The following HERPUD2 variants were observed in gnomAD, a reference collection of about 807,000 sequenced individuals.
HERPUD2 encodes the protein homocysteine-responsive endoplasmic reticulum-resident ubiquitin-like domain member 2 protein.
Under a neutral mutation model 49.9 loss-of-function variants are expected in HERPUD2, and 13 were observed. That is an observed-to-expected ratio of 0.26 (90% CI 0.17 to 0.41). HERPUD2 has a LOEUF of 0.41. HERPUD2 is among the 10% of genes least tolerant of loss of function. The pLI is 1.00. For missense variants in HERPUD2, 449 were observed against 492.2 expected (o/e 0.91, Z 0.83); for synonymous variants, 172 against 171.4 (o/e 1.00, Z -0.03).
At chr7:35,649,958 G>C (rs935258684) in intron 5 of HERPUD2, among the ~76,000 whole-genome samples, 10 of 151,908 alleles carry the variant, frequency 6.6e-5, no homozygotes, top group African/African-American at 2.4e-4. Flanking sequence ...TGGAGTTTCC[G>C]GGCTAAGAGG....
intron 8 of HERPUD2, among the ~76,000 whole-genome samples, 182 bp from the exon 9 acceptor site, chr7:35,634,033 T>G (rs1444556054): frequency 6.6e-6 from 1 of 152,200 alleles, no homozygotes; most frequent in Admixed American, 6.5e-5. Flanking sequence ...CAACTGCCAA[T>G]GCAATACAAT....
intron 4 of HERPUD2, 123 bp from the exon 5 acceptor site, chr7:35,667,711 G>A (rs1412912473): frequency 5.7e-6 from 4 of 704,048 alleles, no homozygotes; most frequent in Non-Finnish European, 9.3e-6. Context: ...GAAATTTACT[G>A]TTTTACATCG....
intron 5 of HERPUD2, among the ~76,000 whole-genome samples, chr7:35,653,192 C>A (rs1300556568): frequency 1.3e-5 from 2 of 152,138 alleles, no homozygotes; most frequent in Non-Finnish European, 2.9e-5. Flanking sequence ...AGAAATTCAT[C>A]TCAACTGTAA....
intron 6 of HERPUD2, 110 bp downstream of exon 6, chr7:35,638,240 A>C (rs1423697620): frequency 9.0e-7 from 1 of 1,106,420 alleles, no homozygotes; most frequent in African/African-American, 1.6e-5. Context: ...AGTCAAAACA[A>C]CATTAAATAC....
At chr7:35,640,730 A>G (rs1364432596) in intron 5 of HERPUD2, among the ~76,000 whole-genome samples, 1 of 152,206 alleles carries the variant, frequency 6.6e-6, no homozygotes, top group African/African-American at 2.4e-5. Flanking sequence ...TAAAGTTATT[A>G]ATAAAATATA....
intron 2 of HERPUD2, among the ~76,000 whole-genome samples, chr7:35,687,175 T>C (rs534818456): frequency 1.1e-4 from 17 of 152,288 alleles, no homozygotes; most frequent in African/African-American, 4.1e-4. Context: ...GTTTCTCAAT[T>C]TAAAAAACAT....
intron 2 of HERPUD2, among the ~76,000 whole-genome samples, chr7:35,691,251 G>C (rs186012457): frequency 7.4e-4 from 112 of 152,270 alleles, no homozygotes; most frequent in African/African-American, 2.6e-3. Context: ...TACCCATATG[G>C]AGACTGTGAT....
At chr7:35,662,489 G>T (rs1259617492) in intron 5 of HERPUD2, among the ~76,000 whole-genome samples, 1 of 152,180 alleles carries the variant, frequency 6.6e-6, no homozygotes, top group African/African-American at 2.4e-5. Flanking sequence ...ATTCAGCTGT[G>T]AATCCGTCTG....
intron 5 of HERPUD2, among the ~76,000 whole-genome samples, chr7:35,642,153 T>C (rs1231134608): frequency 6.6e-6 from 1 of 152,104 alleles, no homozygotes; most frequent in Non-Finnish European, 1.5e-5. Context: ...GCAAAGGACA[T>C]GAACACACAC....
chr7:35,669,273 G>C (rs1257934248), intron 4 of HERPUD2, among the ~76,000 whole-genome samples: 1 of 152,104 alleles, frequency 6.6e-6, no homozygotes, highest in Non-Finnish European at 1.5e-5. Flanking sequence ...CTGGTACTAG[G>C]AAATAGTTAC....
At chr7:35,665,218 G>A (rs1435592267) in intron 5 of HERPUD2, among the ~76,000 whole-genome samples, 14 of 152,336 alleles carry the variant, frequency 9.2e-5, no homozygotes, top group Middle Eastern at 3.4e-3. Context: ...CCCTAGAGGT[G>A]GAGTCTACAG....
At chr7:35,690,564 C>A (rs1018842927) in intron 2 of HERPUD2, among the ~76,000 whole-genome samples, 16 of 152,190 alleles carry the variant, frequency 1.1e-4, no homozygotes, top group African/African-American at 3.6e-4. Context: ...AATCCCAACA[C>A]TTCGGGAGGC....
chr7:35,637,160 A>AAGAAAGAAAGAAAGAAAGATAGAT (rs1554311472), intron 6 of HERPUD2, among the ~76,000 whole-genome samples: 1 of 144,082 alleles, frequency 6.9e-6, no homozygotes, highest in Non-Finnish European at 1.5e-5. Flanking sequence ...GAAAGAAAGA[A>AAGAAAGAAAGAAAGAAAGATAGAT]AGATAGATAG....
At chr7:35,672,156 G>A (rs1480491564) in intron 3 of HERPUD2, among the ~76,000 whole-genome samples, 3 of 151,924 alleles carry the variant, frequency 2.0e-5, no homozygotes, top group Non-Finnish European at 4.4e-5. Flanking sequence ...TTTGGTGTGG[G>A]ATGCTGATAG....
chr7:35,661,012 G>T (rs1785406941), intron 5 of HERPUD2, among the ~76,000 whole-genome samples: 1 of 152,152 alleles, frequency 6.6e-6, no homozygotes, highest in African/African-American at 2.4e-5. Flanking sequence ...ATGGTTTTAG[G>T]TCTAACATTT....
chr7:35,669,795 C>G lies in HERPUD2; in HGVS notation c.339+420G>C, dbSNP rs185876925. Among the ~76,000 whole-genome samples, 303 of 152,256 alleles carry G rather than the reference C, an allele frequency of 2.0e-3. 2 individuals carry two copies. The highest frequency in any genetic ancestry group is 3.3e-3 in the South Asian group (16 of 4,832). On this transcript the variant is annotated intron_variant, in intron 4 of 8. Transcript: ENST00000311350. Reference sequence around the variant, plus strand: ...AAATCCTTGACCAAGTCATCTACTTCAAGAAGATTTAGGGTACTTAAATTT... The same window carrying G: ...AAATCCTTGACCAAGTCATCTACTTGAAGAAGATTTAGGGTACTTAAATTT...
intron 2 of HERPUD2, among the ~76,000 whole-genome samples, chr7:35,685,561 G>C (rs1307311492): frequency 1.3e-5 from 2 of 151,728 alleles, no homozygotes; most frequent in Non-Finnish European, 2.9e-5. Context: ...CCTGACCTCA[G>C]GTGATCTGCC....
chr7:35,638,622 A>G (rs1272060482), intron 5 of HERPUD2, 150 bp from the exon 6 acceptor site: 4 of 766,302 alleles, frequency 5.2e-6, no homozygotes, highest in Non-Finnish European at 8.0e-6. Context: ...GATTCTTCAA[A>G]TAAGACAATA....
At chr7:35,672,917 C>T in intron 3 of HERPUD2, among the ~76,000 whole-genome samples, 1 of 152,214 alleles carries the variant, frequency 6.6e-6, no homozygotes, top group African/African-American at 2.4e-5. Flanking sequence ...CATTCTACTT[C>T]TACACTACTG....
Sources: allele counts gnomAD v4.1 joint callset (sites outside exome capture counted in the v4.1 genomes callset), GRCh38; gene constraint gnomAD v4.1.1; transcripts MANE v1.5; gene names NCBI Gene and HGNC (gene_info 2026-07-23, HGNC 2026-07-21).